The following IGF1R variants were observed in gnomAD, a reference collection of about 807,000 sequenced individuals.
IGF1R encodes insulin-like growth factor 1 receptor.
In IGF1R, 44 loss-of-function variants were observed where a neutral mutation model predicts 144.6. That is an observed-to-expected ratio of 0.30 (90% CI 0.24 to 0.39). IGF1R has a LOEUF of 0.39. Among genes scored for constraint, IGF1R ranks in the 10% least tolerant of loss-of-function variants. The probability of loss-of-function intolerance (pLI) is 1.00; values close to 1 mark genes in which losing one functional copy is unlikely to be tolerated. For missense variants in IGF1R, 1,355 were observed against 1,833.7 expected (o/e 0.74, Z 4.77); for synonymous variants, 795 against 722.8 (o/e 1.10, Z -1.60).
intron 1 of IGF1R, among the ~76,000 whole-genome samples, chr15:98,676,559 A>C (rs2053051871): frequency 1.3e-5 from 2 of 152,042 alleles, no homozygotes; most frequent in African/African-American, 4.8e-5. Flanking sequence ...ATCTCCACTC[A>C]GGTTAAAAAA....
intron 2 of IGF1R, among the ~76,000 whole-genome samples, chr15:98,799,878 A>T (rs2056325284): frequency 6.6e-6 from 1 of 152,210 alleles, no homozygotes; most frequent in Non-Finnish European, 1.5e-5. Context: ...AGCTTGGATT[A>T]TCTTGTCTCT....
intron 1 of IGF1R, among the ~76,000 whole-genome samples, chr15:98,683,117 A>G (rs940924104): frequency 6.6e-6 from 1 of 151,694 alleles, no homozygotes; most frequent in Non-Finnish European, 1.5e-5. Flanking sequence ...GGCAGGCAAC[A>G]TGTTCTTTGT....
intron 6 of IGF1R, among the ~76,000 whole-genome samples, 195 bp downstream of exon 6, chr15:98,909,094 G>C (rs894842291): frequency 6.6e-6 from 1 of 152,114 alleles, no homozygotes; most frequent in African/African-American, 2.4e-5. Flanking sequence ...TGATGTATTC[G>C]TATTTATAAA....
chr15:98,852,950 A>G (rs2011602448), intron 2 of IGF1R, among the ~76,000 whole-genome samples: 1 of 152,164 alleles, frequency 6.6e-6, no homozygotes, highest in Non-Finnish European at 1.5e-5. Context: ...TCCATGTGGG[A>G]CAGGTCATGC....
chr15:98,758,978 C>T (rs1217012830), intron 2 of IGF1R, among the ~76,000 whole-genome samples: 1 of 152,150 alleles, frequency 6.6e-6, no homozygotes, highest in Admixed American at 6.5e-5. Context: ...GCTGGATTGC[C>T]CTCAACTATA....
chr15:98,851,040 G>T (rs1472542864), intron 2 of IGF1R, among the ~76,000 whole-genome samples: 1 of 152,172 alleles, frequency 6.6e-6, no homozygotes, highest in African/African-American at 2.4e-5. Context: ...TACCAAAACC[G>T]ATTTCGGAGC....
intron 1 of IGF1R, among the ~76,000 whole-genome samples, chr15:98,655,326 T>G (rs1327552415): frequency 6.6e-6 from 1 of 152,254 alleles, no homozygotes; most frequent in Non-Finnish European, 1.5e-5. Flanking sequence ...TTTGGACTTT[T>G]GAAGACTAAG....
In IGF1R at chr15:98,922,132, T is replaced by G. The variant is rs187330252; in HGVS notation, c.2202-16T>G. The G allele has an allele frequency of 3.5e-4, 570 of 1,614,052 alleles. 2 individuals are homozygous for G. In the Middle Eastern group the frequency reaches 4.5e-3, roughly 13 times the overall value. On this transcript the variant is annotated splice_polypyrimidine_tract_variant and intron_variant, in intron 10 of 20. Coordinates refer to ENST00000650285, the MANE Select transcript of IGF1R (RefSeq NM_000875.5). ...GGTAAAAGTACTTAAAAGCCACATT[T>G]CTCTCCTCCTTGCAGACCTGAAAGG...
At chr15:98,857,010 TGA>T (rs1472252171) in intron 2 of IGF1R, among the ~76,000 whole-genome samples, 12 of 151,980 alleles carry the variant, frequency 7.9e-5, no homozygotes, top group African/African-American at 4.8e-5. Flanking sequence ...AAGTTTTGGG[TGA>T]GAGATTTTTT....
chr15:98,878,683 A>AAAAAAAAAAAAC, intron 2 of IGF1R, among the ~76,000 whole-genome samples: 1 of 145,334 alleles, frequency 6.9e-6, no homozygotes, highest in Non-Finnish European at 1.5e-5. Flanking sequence ...AAAAAAAAAA[A>AAAAAAAAAAAAC]AAAAAAAAAA....
chr15:98,824,115 C>T (rs1349662206), intron 2 of IGF1R: 3 of 152,152 alleles, frequency 2.0e-5, no homozygotes, highest in African/African-American at 7.2e-5. Flanking sequence ...ATTCTCGGGG[C>T]TGACTGGTTG....
chr15:98,808,845 A>AATTTTTATTTGT (rs1448371349), intron 2 of IGF1R, among the ~76,000 whole-genome samples: 1 of 151,860 alleles, frequency 6.6e-6, no homozygotes, highest in African/African-American at 2.4e-5. Context: ...ATGTCTGGCT[A>AATTTTTATTTGT]ATTTTTATTT....
At chr15:98,708,646 G>A (rs890469001) in intron 2 of IGF1R, among the ~76,000 whole-genome samples, 1 of 152,222 alleles carries the variant, frequency 6.6e-6, no homozygotes, top group African/African-American at 2.4e-5. Context: ...TAGTGATGAT[G>A]TTATGATACT....
At chr15:98,742,496 G>A (rs2054769519) in intron 2 of IGF1R, among the ~76,000 whole-genome samples, 1 of 152,144 alleles carries the variant, frequency 6.6e-6, no homozygotes, top group African/African-American at 2.4e-5. Context: ...CTCTGACACA[G>A]TGGCAGTGTT....
In IGF1R at chr15:98,771,541, C is replaced by G. The variant is rs564158364; in HGVS notation, c.640+63434C>G. ...GAGAAGTTATTTATATATAGTGAGACCCAGTAAACGGTGATGTCGCAGGTG... is the reference window on the plus strand; with the variant it reads ...GAGAAGTTATTTATATATAGTGAGAGCCAGTAAACGGTGATGTCGCAGGTG... On this transcript the variant is annotated intron_variant, in intron 2 of 20. Transcript: ENST00000650285. Among the ~76,000 whole-genome samples, 26 of 152,228 alleles carry G rather than the reference C, an allele frequency of 1.7e-4. 1 individual carries two copies. In the South Asian group the frequency reaches 5.2e-3, roughly 30 times the overall value.
chr15:98,673,935 AT>A lies in IGF1R; in HGVS notation c.94+24263del, dbSNP rs2052965022. ...TGTGGTTGTAGTTTGTCTGAAAAAGATTTGGAAAAAATGTACAGCCATGTTT... is the reference window on the plus strand; with the variant it reads ...TGTGGTTGTAGTTTGTCTGAAAAAGATTGGAAAAAATGTACAGCCATGTTT... On this transcript the variant is annotated intron_variant, in intron 1 of 20. Transcript: ENST00000650285. Among the ~76,000 whole-genome samples the A allele has an allele frequency of 1.1e-4, 16 of 152,296 alleles. No individual in the cohort carries two copies. In the South Asian group the frequency reaches 3.3e-3, roughly 32 times the overall value.
At chr15:98,887,566 G>C (rs975792527) in intron 2 of IGF1R, among the ~76,000 whole-genome samples, 2 of 152,190 alleles carry the variant, frequency 1.3e-5, no homozygotes, top group Non-Finnish European at 2.9e-5. Flanking sequence ...GATGATGATG[G>C]TAAGATTCTC....
At chr15:98,895,702 T>TA (rs757339721) in intron 3 of IGF1R, among the ~76,000 whole-genome samples, 2 of 152,202 alleles carry the variant, frequency 1.3e-5, no homozygotes, top group Admixed American at 6.5e-5. Flanking sequence ...TTGTCTTAGA[T>TA]ACAAAATAAC....
chr15:98,728,120 C>A (rs76420011), intron 2 of IGF1R, among the ~76,000 whole-genome samples: 1 of 149,006 alleles, frequency 6.7e-6, no homozygotes, highest in Non-Finnish European at 1.5e-5. Context: ...CCTGAAGATG[C>A]ATTTTTTAAC....
Sources: allele counts gnomAD v4.1 joint callset (sites outside exome capture counted in the v4.1 genomes callset), GRCh38; gene constraint gnomAD v4.1.1; transcripts MANE v1.5; gene names NCBI Gene and HGNC (gene_info 2026-07-23, HGNC 2026-07-21).